The following TTC29 variants were observed in gnomAD, a reference collection of about 807,000 sequenced individuals.
The protein encoded by TTC29 is tetratricopeptide repeat domain 29.
Under a neutral mutation model 58.1 loss-of-function variants are expected in TTC29, and 49 were observed. That is an observed-to-expected ratio of 0.84 (90% confidence interval 0.67 to 1.07). The LOEUF is 1.07. Ranked by LOEUF, TTC29 falls within the 50% of genes least tolerant of loss-of-function variation. The pLI, the probability that TTC29 is intolerant of heterozygous loss-of-function variation, is 0.00. For missense variants in TTC29, 582 were observed against 555.6 expected (o/e 1.05, Z -0.48); for synonymous variants, 209 against 196.8 (o/e 1.06, Z -0.52).
chr4:146,785,889 G>T (rs1002176355), intron 11 of TTC29, among the ~76,000 whole-genome samples: 1 of 151,866 alleles, frequency 6.6e-6, no homozygotes, highest in Non-Finnish European at 1.5e-5. Context: ...TTAACTAAAG[G>T]TCACTAAATT....
chr4:146,863,076 C>T (rs1304229286), intron 8 of TTC29, among the ~76,000 whole-genome samples: 2 of 149,756 alleles, frequency 1.3e-5, no homozygotes, highest in East Asian at 2.0e-4. Context: ...GAACCGAGAT[C>T]GTGCCACTAC....
chr4:146,765,863 T>C (rs1195436079), intron 11 of TTC29, among the ~76,000 whole-genome samples: 1 of 152,104 alleles, frequency 6.6e-6, no homozygotes, highest in Admixed American at 6.6e-5. Context: ...AAATCAACTG[T>C]CAATAACATT....
intron 11 of TTC29, among the ~76,000 whole-genome samples, chr4:146,789,752 A>G (rs1749291502): frequency 1.3e-5 from 2 of 152,044 alleles, no homozygotes; most frequent in African/African-American, 4.8e-5. Flanking sequence ...TATGTATTCT[A>G]TGTCACAAGG....
chr4:146,770,074 G>A (rs1251033686), intron 11 of TTC29, among the ~76,000 whole-genome samples: 3 of 151,822 alleles, frequency 2.0e-5, no homozygotes, highest in Admixed American at 6.6e-5. Flanking sequence ...TAATTCCAGC[G>A]GTTCTCAACA....
chr4:146,863,716 G>A (rs575489988), intron 8 of TTC29, among the ~76,000 whole-genome samples: 7 of 152,270 alleles, frequency 4.6e-5, no homozygotes, highest in Admixed American at 1.3e-4. Context: ...TGCATGCCCA[G>A]GAGAGCTGGT....
intron 4 of TTC29, among the ~76,000 whole-genome samples, chr4:146,927,084 A>AAG (rs1734989116): frequency 6.6e-6 from 1 of 151,440 alleles, no homozygotes; most frequent in East Asian, 1.9e-4. Context: ...CCATCTCAAA[A>AAG]AAAAAAAAAA....
chr4:146,904,527 C>A (rs998215703), intron 5 of TTC29, among the ~76,000 whole-genome samples: 1 of 152,010 alleles, frequency 6.6e-6, no homozygotes, highest in Non-Finnish European at 1.5e-5. Context: ...TAAACCTGAA[C>A]GAATATGTCT....
At chr4:146,759,511 A>C (rs1026098979) in intron 11 of TTC29, among the ~76,000 whole-genome samples, 5 of 152,264 alleles carry the variant, frequency 3.3e-5, no homozygotes, top group Middle Eastern at 3.4e-3. Context: ...GATATCCTTG[A>C]CGAATATAGA....
chr4:146,724,023 C>T (rs1458298079), intron 11 of TTC29, among the ~76,000 whole-genome samples: 1 of 152,192 alleles, frequency 6.6e-6, no homozygotes, highest in Non-Finnish European at 1.5e-5. Flanking sequence ...CACATATACA[C>T]CATGGAATAC....
At chr4:146,803,336 T>C in intron 11 of TTC29, 121 bp downstream of exon 11, 2 of 733,630 alleles carry the variant, frequency 2.7e-6, no homozygotes, top group South Asian at 3.9e-5. Context: ...AATGGATCCA[T>C]AAAATTGAAA....
At chr4:146,943,696 G>T (rs886188813) in intron 2 of TTC29, among the ~76,000 whole-genome samples, 7 of 152,100 alleles carry the variant, frequency 4.6e-5, no homozygotes, top group African/African-American at 1.7e-4. Context: ...TATTTAAAGG[G>T]GTCCTGTAAC....
At chr4:146,942,752 A>G (rs1455287180) in intron 2 of TTC29, 2 of 781,318 alleles carry the variant, frequency 2.6e-6, no homozygotes, top group Non-Finnish European at 3.9e-6. Flanking sequence ...TCCATCCTCT[A>G]TAAATTTTAG....
At chr4:146,936,412 C>A (rs1253758023) in intron 4 of TTC29, among the ~76,000 whole-genome samples, 3 of 152,036 alleles carry the variant, frequency 2.0e-5, no homozygotes, top group Non-Finnish European at 2.9e-5. Context: ...ATATTTAAAT[C>A]AGAATCCAAA....
intron 11 of TTC29, among the ~76,000 whole-genome samples, chr4:146,763,631 A>G (rs2150065396): frequency 6.6e-6 from 1 of 152,246 alleles, no homozygotes; most frequent in African/African-American, 2.4e-5. Flanking sequence ...GTTCAGATAG[A>G]TTTAGTTAAA....
At chr4:146,894,451 G>A (rs1433378093) in intron 6 of TTC29, among the ~76,000 whole-genome samples, 1 of 149,378 alleles carries the variant, frequency 6.7e-6, no homozygotes, top group African/African-American at 2.5e-5. Context: ...AACACCACAT[G>A]TTCTCACTCA....
chr4:146,855,950 T>A (rs867358672), intron 8 of TTC29, among the ~76,000 whole-genome samples: 1 of 152,186 alleles, frequency 6.6e-6, no homozygotes, highest in Non-Finnish European at 1.5e-5. Flanking sequence ...AGCCTCTAGA[T>A]CAACGAGTGC....
chr4:146,719,189 GGTGTGTGTGTGTGTGT>G (rs60552473), intron 11 of TTC29, among the ~76,000 whole-genome samples: 2 of 144,086 alleles, frequency 1.4e-5, no homozygotes, highest in African/African-American at 5.2e-5. Flanking sequence ...TGGCTATTGG[GGTGTGTGTGTGTGTGT>G]GTGTGTGTGT....
In TTC29 at chr4:146,715,426, A is replaced by C. The variant is rs533958027; in HGVS notation, c.1331-7875T>G. 9.8e-5 allele frequency among the ~76,000 whole-genome samples: 15 copies of C among 152,334 alleles called. No homozygotes were observed. In the Middle Eastern group the frequency reaches 0.01, roughly 104 times the overall value. On this transcript the variant is annotated intron_variant, in intron 11 of 12. Coordinates refer to ENST00000325106, the MANE Select transcript of TTC29 (RefSeq NM_031956.4). ...GTATATACCCAATAGAATACTATTCAGCTACAAAACAGAATGCAATCCTGT... is the reference window on the plus strand; with the variant it reads ...GTATATACCCAATAGAATACTATTCCGCTACAAAACAGAATGCAATCCTGT...
At chr4:146,922,012 CA>C (rs34167190) in intron 4 of TTC29, among the ~76,000 whole-genome samples, 55,673 of 107,478 alleles carry the variant, frequency 0.52, 12,886 homozygotes, top group South Asian at 0.56. Flanking sequence ...GGATCCCCTA[CA>C]AAAAAAAAAA....
Sources: gnomAD v4.1 joint callset for allele counts (sites outside exome capture counted in the v4.1 genomes callset) on GRCh38, gnomAD v4.1.1 for gene constraint, MANE v1.5 for transcripts, NCBI Gene and HGNC (gene_info 2026-07-23, HGNC 2026-07-21) for gene names.